MND1: variants seen among roughly 807,000 people sequenced by gnomAD.
MND1 encodes the protein meiotic nuclear divisions 1.
In MND1, 28 loss-of-function variants were observed where a neutral mutation model predicts 35.1. That is an observed-to-expected ratio of 0.80 (90% CI 0.59 to 1.09). The LOEUF is 1.09. MND1 is among the 50% of genes least tolerant of loss of function. The pLI is 0.00. For missense variants in MND1, 213 were observed against 239.6 expected (o/e 0.89, Z 0.73); for synonymous variants, 69 against 70.5 (o/e 0.98, Z 0.11).
chr4:153,357,093 G>A (rs949108977), intron 3 of MND1, among the ~76,000 whole-genome samples: 4 of 152,172 alleles, frequency 2.6e-5, no homozygotes, highest in Admixed American at 6.5e-5. Context: ...AAAGTGCTGG[G>A]ATTACAGGCA....
At chr4:153,414,165 G>A (rs1166566082) in intron 7 of MND1, among the ~76,000 whole-genome samples, 1 of 152,174 alleles carries the variant, frequency 6.6e-6, no homozygotes, top group African/African-American at 2.4e-5. Context: ...AAATGTAGAA[G>A]AGACACCATT....
At chr4:153,404,967 T>G (rs775907881) in intron 6 of MND1, among the ~76,000 whole-genome samples, 2 of 151,996 alleles carry the variant, frequency 1.3e-5, no homozygotes, top group Non-Finnish European at 2.9e-5. Flanking sequence ...ACTCCTGGGC[T>G]CAAGCAGTCC....
At chr4:153,387,128 G>C (rs1430800853) in intron 4 of MND1, among the ~76,000 whole-genome samples, 4 of 152,092 alleles carry the variant, frequency 2.6e-5, no homozygotes, top group Admixed American at 1.3e-4. Flanking sequence ...GATAACCATT[G>C]CTTAGATTTA....
chr4:153,408,367 A>T (rs1729579513), intron 6 of MND1, among the ~76,000 whole-genome samples: 1 of 152,210 alleles, frequency 6.6e-6, no homozygotes, highest in Non-Finnish European at 1.5e-5. Flanking sequence ...AAATGCCATC[A>T]TTGTAAGTAA....
chr4:153,387,035 A>C (rs572290701), intron 4 of MND1, among the ~76,000 whole-genome samples: 22 of 152,272 alleles, frequency 1.4e-4, no homozygotes, highest in Non-Finnish European at 2.8e-4. Context: ...GAATATATTC[A>C]TATAACAGGA....
chr4:153,384,055 TG>T (rs1412309363), intron 4 of MND1, among the ~76,000 whole-genome samples: 1 of 152,188 alleles, frequency 6.6e-6, no homozygotes, highest in Non-Finnish European at 1.5e-5. Flanking sequence ...TCAAAATATC[TG>T]AATGGTTTCT....
chr4:153,354,599 C>T (rs1561055291), intron 2 of MND1, among the ~76,000 whole-genome samples: 1 of 152,110 alleles, frequency 6.6e-6, no homozygotes, highest in Non-Finnish European at 1.5e-5. Context: ...ACCTCCCAGG[C>T]TCAAGCTATT....
At chr4:153,379,867 A>C (rs1473858555) in intron 4 of MND1, among the ~76,000 whole-genome samples, 8 of 150,416 alleles carry the variant, frequency 5.3e-5, no homozygotes, top group South Asian at 2.1e-4. Context: ...AAAAAAAAAA[A>C]AAAAAAAAAT....
intron 3 of MND1, 98 bp downstream of exon 3, chr4:153,355,809 T>C (rs1773325533): frequency 1.3e-6 from 1 of 788,286 alleles, no homozygotes; most frequent in African/African-American, 1.8e-5. Context: ...TGCAACAGTC[T>C]TTCACTTTAT....
At chr4:153,408,910 G>GTATATATA in intron 6 of MND1, 61 bp from the exon 7 acceptor site, 1 of 308,184 alleles carries the variant, frequency 3.2e-6, no homozygotes, top group South Asian at 1.0e-4. Flanking sequence ...ATCATTTTGT[G>GTATATATA]TGTATATATA....
intron 4 of MND1, among the ~76,000 whole-genome samples, chr4:153,363,988 C>A (rs939887731): frequency 6.6e-6 from 1 of 152,166 alleles, no homozygotes; most frequent in African/African-American, 2.4e-5. Context: ...TATCCCAATA[C>A]TTTGGGAGGT....
chr4:153,382,705 G>A (rs1422063862), intron 4 of MND1, among the ~76,000 whole-genome samples: 1 of 152,236 alleles, frequency 6.6e-6, no homozygotes, highest in Non-Finnish European at 1.5e-5. Context: ...CTTAACTGGT[G>A]TTTCTTAGCA....
chr4:153,370,605 C>T (rs189900002), intron 4 of MND1, among the ~76,000 whole-genome samples: 13 of 152,148 alleles, frequency 8.5e-5, no homozygotes, highest in East Asian at 5.8e-4. Context: ...CTGCAACCTC[C>T]GCCTCCCGGG....
At chr4:153,410,525 A>AT (rs994903962) in intron 7 of MND1, among the ~76,000 whole-genome samples, 1 of 152,098 alleles carries the variant, frequency 6.6e-6, no homozygotes, top group Non-Finnish European at 1.5e-5. Context: ...AATAAGAATT[A>AT]TTTTTTTCCT....
chr4:153,363,300 C>T (rs1034151576), intron 4 of MND1, among the ~76,000 whole-genome samples: 11 of 151,430 alleles, frequency 7.3e-5, no homozygotes, highest in African/African-American at 2.7e-4. Context: ...CAACCTCTGT[C>T]TCCAGAGTTC....
At chr4:153,356,099 C>A (rs1359881861) in intron 3 of MND1, among the ~76,000 whole-genome samples, 1 of 152,166 alleles carries the variant, frequency 6.6e-6, no homozygotes, top group Admixed American at 6.5e-5. Flanking sequence ...TTCAGCCCAG[C>A]TAGGCAACAT....
intron 7 of MND1, among the ~76,000 whole-genome samples, chr4:153,413,067 A>G (rs1402768062): frequency 6.6e-6 from 1 of 152,034 alleles, no homozygotes; most frequent in Non-Finnish European, 1.5e-5. Flanking sequence ...AAAGATACCA[A>G]TCCTACTGGA....
At chr4:153,393,373 T>C (rs13115565) in intron 4 of MND1, among the ~76,000 whole-genome samples, 26,976 of 146,612 alleles carry the variant, frequency 0.18, 2,574 homozygotes, top group African/African-American at 0.24. Context: ...TCTTTCTTTT[T>C]TTTTTTTTTT....
In MND1 at chr4:153,395,355, G is replaced by A. The variant is rs552100698; in HGVS notation, c.351+1019G>A. The stretch of plus-strand genomic sequence containing the variant: ...GGTGACATATGCTTGCCCAGAAGTT[G>A]TCAGCCAGTCTACTGTTAATCCACT... On this transcript the variant is annotated intron_variant, in intron 5 of 7. Coordinates refer to ENST00000240488, the MANE Select transcript of MND1 (RefSeq NM_032117.4). 3.9e-5 allele frequency among the ~76,000 whole-genome samples: 6 copies of A among 152,282 alleles called. No individual in the cohort carries two copies. In the South Asian group the frequency reaches 1.0e-3, roughly 26 times the overall value.
Sources: allele counts gnomAD v4.1 joint callset (sites outside exome capture counted in the v4.1 genomes callset), GRCh38; gene constraint gnomAD v4.1.1; transcripts MANE v1.5; gene names NCBI Gene and HGNC (gene_info 2026-07-23, HGNC 2026-07-21).